KCNG2: variants seen among roughly 807,000 people sequenced by gnomAD.
The protein encoded by KCNG2 is potassium voltage-gated channel modifier subfamily G member 2, also known as voltage-gated potassium channel regulatory subunit KCNG2.
In KCNG2, 7 loss-of-function variants were observed where a neutral mutation model predicts 12.3. The observed-to-expected ratio is 0.57, with a 90% CI of 0.32 to 1.07. KCNG2 has a LOEUF of 1.07. KCNG2 is among the 50% of genes least tolerant of loss of function. The pLI, the probability that KCNG2 is intolerant of heterozygous loss-of-function variation, is 0.04. For missense variants in KCNG2, 703 were observed against 726.0 expected (o/e 0.97, Z 0.36); for synonymous variants, 414 against 351.4 (o/e 1.18, Z -1.99).
At position 79,803,630 on chromosome 18, in the gene KCNG2, C is replaced by T. The variant is rs2087427820; in HGVS notation, c.-115+5616C>T. On this transcript the variant is annotated intron_variant, in intron 1 of 3. Coordinates refer to ENST00000316249, the MANE Select transcript of KCNG2 (RefSeq NM_012283.2). This position sits in a 1 kb window ranked among gnomAD's most constrained non-coding sequence, Gnocchi z 4.5. The stretch of plus-strand genomic sequence containing the variant: ...CCTGCAGGGCTGGCCGTGATTCTCA[C>T]CACTTGTGGTCCAAGGCTTCTGCTG... Among the ~76,000 whole-genome samples, 1 of 152,108 alleles carries T rather than the reference C, an allele frequency of 6.6e-6. No individual in the cohort carries two copies. The highest frequency in any genetic ancestry group is 6.5e-5 in the Admixed American group (1 of 15,278).
At chr18:79,863,536 T>C (rs1170946346) in intron 2 of KCNG2, 92 bp from the exon 3 acceptor site, 1 of 1,015,300 alleles carries the variant, frequency 9.8e-7, no homozygotes, top group East Asian at 4.5e-5. Flanking sequence ...CCTCCGAGGG[T>C]TCGGTGCCGG....
At chr18:79,847,566 C>T (rs542140628) in intron 1 of KCNG2, among the ~76,000 whole-genome samples, 4 of 152,342 alleles carry the variant, frequency 2.6e-5, no homozygotes, top group South Asian at 2.1e-4. Flanking sequence ...GCAAAGCACC[C>T]GCCCCATGAG....
intron 1 of KCNG2, among the ~76,000 whole-genome samples, chr18:79,847,246 G>A (rs908500474): frequency 9.9e-5 from 15 of 152,192 alleles, no homozygotes; most frequent in African/African-American, 2.9e-4. Context: ...GCCTTGGGAT[G>A]TGGGGCTTCT....
At chr18:79,898,980 A>G in intron 3 of KCNG2, 60 bp from the exon 4 acceptor site, 2 of 1,296,940 alleles carry the variant, frequency 1.5e-6, no homozygotes, top group Non-Finnish European at 2.0e-6. Context: ...AGGAAGGGCA[A>G]GGCGCCCCCG....
chr18:79,827,644 G>C (rs7231668), intron 1 of KCNG2, among the ~76,000 whole-genome samples: 28,270 of 152,002 alleles, frequency 0.19, 3,037 homozygotes, highest in East Asian at 0.5. Flanking sequence ...AGAAGAGCGG[G>C]GACTCAGCCT....
intron 3 of KCNG2, among the ~76,000 whole-genome samples, chr18:79,873,202 G>A (rs909630364): frequency 3.0e-4 from 45 of 152,216 alleles, no homozygotes; most frequent in Non-Finnish European, 5.4e-4. Context: ...CCTCTCGGGG[G>A]ACCACCCTCT....
At chr18:79,845,197 C>G (rs369675502) in intron 1 of KCNG2, among the ~76,000 whole-genome samples, 11 of 152,188 alleles carry the variant, frequency 7.2e-5, no homozygotes, top group African/African-American at 2.7e-4. Flanking sequence ...GTTCAACATT[C>G]ATAACATTCT....
In KCNG2 at chr18:79,884,547, TCTGGGC is replaced by T. The variant is rs139354071; in HGVS notation, c.625-14480_625-14475del. Among the ~76,000 whole-genome samples, 20,659 of 152,062 alleles carry T rather than the reference TCTGGGC, an allele frequency of 0.14. 1,625 individuals are homozygous for T. The highest frequency in any genetic ancestry group is 0.36 in the East Asian group (1,843 of 5,132). Reference sequence around the variant, plus strand: ...GATGCAGTGGAGGAGCAGGGCTGGGTCTGGGCCTGGGCCTGGGCGTGGCAGCTCCCC... The same window carrying T: ...GATGCAGTGGAGGAGCAGGGCTGGGTCTGGGCCTGGGCGTGGCAGCTCCCC... On this transcript the variant is annotated intron_variant, in intron 3 of 3. Coordinates refer to ENST00000316249, the MANE Select transcript of KCNG2 (RefSeq NM_012283.2). This position sits in a 1 kb window ranked among gnomAD's most constrained non-coding sequence, Gnocchi z 5.5.
At chr18:79,813,980 G>A (rs1201005257) in intron 1 of KCNG2, among the ~76,000 whole-genome samples, 1 of 152,214 alleles carries the variant, frequency 6.6e-6, no homozygotes, top group Non-Finnish European at 1.5e-5. Context: ...AAAACTCATG[G>A]AAGGCAGACA....
intron 3 of KCNG2, among the ~76,000 whole-genome samples, chr18:79,881,307 A>G (rs779435979): frequency 7.9e-5 from 12 of 152,226 alleles, no homozygotes; most frequent in Non-Finnish European, 1.6e-4. Flanking sequence ...AGGACTGCCT[A>G]TGTAGAAACA....
chr18:79,813,645 A>C (rs1032977803), intron 1 of KCNG2, among the ~76,000 whole-genome samples: 1 of 152,226 alleles, frequency 6.6e-6, no homozygotes, highest in African/African-American at 2.4e-5. Context: ...ACATAAAACC[A>C]TAAGAGTTCT....
intron 3 of KCNG2, among the ~76,000 whole-genome samples, chr18:79,896,166 G>A (rs899715626): frequency 3.9e-5 from 6 of 151,920 alleles, no homozygotes; most frequent in Admixed American, 1.3e-4. Flanking sequence ...GGGTTTTGCC[G>A]TGTTGGCCAG....
intron 3 of KCNG2, among the ~76,000 whole-genome samples, chr18:79,865,568 GAGGTCTGGGTATGAGGTCTGGGTGCTGAA>G (rs1979467204): frequency 1.5e-5 from 2 of 133,492 alleles, no homozygotes; most frequent in East Asian, 2.5e-4. Context: ...TGGGTGCTGA[GAGGTCTGGGTATGAGGTCTGGGTGCTGAA>G]AGTTCTGTGT....
chr18:79,888,232 C>T (rs1314148947), intron 3 of KCNG2, among the ~76,000 whole-genome samples: 1 of 151,998 alleles, frequency 6.6e-6, no homozygotes, highest in East Asian at 1.9e-4. Flanking sequence ...GTGGGGACCA[C>T]GTTTGGGGTG....
At position 79,798,025 on chromosome 18, in the gene KCNG2, G is replaced by T. The variant is rs1031786269; in HGVS notation, c.-115+11G>T. Reference sequence around the variant, plus strand: ...GAGTCTGGACCGCAGGTAAAGTTGAGCGCGCCGTGGGGCCGGGGGTGGGGG... The same window carrying T: ...GAGTCTGGACCGCAGGTAAAGTTGATCGCGCCGTGGGGCCGGGGGTGGGGG... On this transcript the variant is annotated intron_variant, in intron 1 of 3. Coordinates refer to ENST00000316249, the MANE Select transcript of KCNG2 (RefSeq NM_012283.2). Among the ~76,000 whole-genome samples the T allele has an allele frequency of 1.4e-5, 2 of 146,686 alleles. No homozygotes were observed. Among genetic ancestry groups the T allele is most frequent in the Non-Finnish European group, 3.1e-5 (2 of 65,568 alleles).
intron 1 of KCNG2, among the ~76,000 whole-genome samples, chr18:79,854,557 C>T (rs1379772517): frequency 3.2e-5 from 4 of 126,648 alleles, no homozygotes; most frequent in East Asian, 4.8e-4. Context: ...GACAGGGTCT[C>T]GCTCTGTTGC....
intron 1 of KCNG2, among the ~76,000 whole-genome samples, chr18:79,804,748 C>G (rs1042065945): frequency 1.3e-5 from 2 of 152,212 alleles, no homozygotes; most frequent in African/African-American, 4.8e-5. Context: ...CCAGGTACAA[C>G]AAATGCAATT....
chr18:79,825,104 G>A (rs1246072269), intron 1 of KCNG2, among the ~76,000 whole-genome samples: 2 of 152,008 alleles, frequency 1.3e-5, no homozygotes, highest in East Asian at 3.9e-4. Flanking sequence ...TGATAGGACA[G>A]TCAGTAGTAA....
At chr18:79,811,043 T>C (rs1463579585) in intron 1 of KCNG2, among the ~76,000 whole-genome samples, 1 of 152,216 alleles carries the variant, frequency 6.6e-6, no homozygotes, top group Non-Finnish European at 1.5e-5. Context: ...GTAAGACTTG[T>C]ATGCTGAGAA....
Sources: allele counts gnomAD v4.1 joint callset (sites outside exome capture counted in the v4.1 genomes callset), GRCh38; gene constraint gnomAD v4.1.1; non-coding constraint Gnocchi (gnomAD v3.1); transcripts MANE v1.5; gene names NCBI Gene and HGNC (gene_info 2026-07-23, HGNC 2026-07-21).